Variants in CDH11 observed in about 807,000 individuals in gnomAD.
The protein encoded by CDH11 is cadherin-11.
A neutral mutation model predicts 67.8 loss-of-function variants in CDH11; 11 were observed. The observed-to-expected ratio is 0.16, with a 90% confidence interval of 0.10 to 0.27. The LOEUF is 0.27. Among genes scored for constraint, CDH11 ranks in the 10% least tolerant of loss-of-function variants. CDH11 has a pLI of 1.00. For synonymous variants in CDH11, 419 were observed against 400.0 expected (o/e 1.05, Z -0.57); for missense variants, 847 against 1,031.2 (o/e 0.82, Z 2.45).
intron 1 of CDH11, among the ~76,000 whole-genome samples, chr16:65,108,204 C>T (rs2075097820): frequency 6.6e-6 from 1 of 152,098 alleles, no homozygotes; most frequent in Non-Finnish European, 1.5e-5. Context: ...CTGATCCGTT[C>T]CTCACTTCAA....
intron 11 of CDH11, among the ~76,000 whole-genome samples, chr16:64,961,621 A>C (rs151292124): frequency 6.6e-6 from 1 of 152,284 alleles, no homozygotes; most frequent in East Asian, 1.9e-4. Context: ...TTAATATTAA[A>C]ATTGTTCTCC....
At chr16:65,080,531 C>T (rs577657453) in intron 1 of CDH11, among the ~76,000 whole-genome samples, 26 of 152,250 alleles carry the variant, frequency 1.7e-4, no homozygotes, top group Admixed American at 1.5e-3. Context: ...GGGATAAATG[C>T]ATTGCTTGAA....
intron 1 of CDH11, among the ~76,000 whole-genome samples, chr16:65,101,798 T>C (rs2074996720): frequency 6.6e-6 from 1 of 152,206 alleles, no homozygotes; most frequent in South Asian, 2.1e-4. Flanking sequence ...AAACTAAATA[T>C]AAGATCCATA....
intron 2 of CDH11, among the ~76,000 whole-genome samples, chr16:65,047,128 G>A (rs1479485817): frequency 6.6e-6 from 1 of 151,854 alleles, no homozygotes; most frequent in African/African-American, 2.4e-5. Context: ...AATAAATCAA[G>A]GTGTAAAACA....
intron 1 of CDH11, among the ~76,000 whole-genome samples, chr16:65,112,198 T>G (rs189315689): frequency 6.6e-6 from 1 of 152,118 alleles, no homozygotes; most frequent in African/African-American, 2.4e-5. Flanking sequence ...AAGGAAGCAT[T>G]TCCAACAGTG....
chr16:64,999,395 G>T (rs1260611854), intron 3 of CDH11, among the ~76,000 whole-genome samples: 1 of 152,136 alleles, frequency 6.6e-6, no homozygotes, highest in African/African-American at 2.4e-5. Context: ...ATACAATAAA[G>T]TTCCAGAGTA....
At chr16:64,959,123 C>G (rs1477443395) in intron 11 of CDH11, among the ~76,000 whole-genome samples, 1 of 152,216 alleles carries the variant, frequency 6.6e-6, no homozygotes, top group Non-Finnish European at 1.5e-5. Flanking sequence ...GAGCTACACA[C>G]CACTGTTCTT....
At chr16:65,108,820 C>T (rs1051363029) in intron 1 of CDH11, among the ~76,000 whole-genome samples, 1 of 152,090 alleles carries the variant, frequency 6.6e-6, no homozygotes. Flanking sequence ...TCTGGATTTG[C>T]GTTCATAGTG....
chr16:65,081,451 C>T (rs970690164), intron 1 of CDH11, among the ~76,000 whole-genome samples: 3 of 152,080 alleles, frequency 2.0e-5, no homozygotes, highest in East Asian at 1.9e-4. Flanking sequence ...CGCCTGTAGT[C>T]CCAGCTACGC....
chr16:65,001,033 C>T (rs2072908897), intron 3 of CDH11, among the ~76,000 whole-genome samples: 1 of 151,828 alleles, frequency 6.6e-6, no homozygotes, highest in African/African-American at 2.4e-5. Context: ...AGAGACCTTG[C>T]TTATAAAGCA....
At chr16:64,970,753 G>T (rs2071982763) in intron 11 of CDH11, among the ~76,000 whole-genome samples, 1 of 152,152 alleles carries the variant, frequency 6.6e-6, no homozygotes, top group Non-Finnish European at 1.5e-5. Context: ...ATAGCAATCT[G>T]TATTCCTCCT....
upstream of CDH11, among the ~76,000 whole-genome samples, chr16:65,123,111 C>A (rs1225003538): frequency 1.3e-5 from 2 of 152,142 alleles, no homozygotes; most frequent in Non-Finnish European, 2.9e-5. Context: ...GCTGGCAGGG[C>A]CGGGGCTTAG....
chr16:64,950,408 C>A (rs1049613755), intron 12 of CDH11, among the ~76,000 whole-genome samples: 1 of 152,066 alleles, frequency 6.6e-6, no homozygotes, highest in Non-Finnish European at 1.5e-5. Context: ...GCTAATACAC[C>A]ATGTTTCTGC....
intron 2 of CDH11, among the ~76,000 whole-genome samples, chr16:65,048,272 G>A (rs937606578): frequency 6.6e-6 from 1 of 152,146 alleles, no homozygotes; most frequent in Non-Finnish European, 1.5e-5. Flanking sequence ...TGAAGAAAGA[G>A]GAATGTGTAT....
At position 64,986,474 on chromosome 16, in the gene CDH11, G is replaced by A. The variant is rs758842540; in HGVS notation, c.999+1683C>T. On this transcript the variant is annotated intron_variant, in intron 7 of 12. Transcript: ENST00000268603. Reference sequence around the variant, plus strand: ...TGCCCTGAATACACTAAAAACAGGTGACAACCTTAGCATAACCAACTACCC... The same window carrying A: ...TGCCCTGAATACACTAAAAACAGGTAACAACCTTAGCATAACCAACTACCC... The A allele has an allele frequency of 5.9e-5, 9 of 152,134 alleles. No individual in the cohort carries two copies. The East Asian group carries it at 1.7e-3, about 30-fold the overall frequency. 9.4% of individuals were successfully genotyped at this position (152,134 alleles called of 1,614,324 possible). A position where few individuals can be genotyped will look rare whatever the true frequency, so the allele number is the denominator to read the frequency against.
chr16:65,014,862 T>A (rs979534323), intron 2 of CDH11, among the ~76,000 whole-genome samples: 1 of 143,836 alleles, frequency 7.0e-6, no homozygotes. Flanking sequence ...TTTAAAACAA[T>A]TTTTTTTTTT....
chr16:64,963,846 T>C (rs762917457), intron 11 of CDH11, among the ~76,000 whole-genome samples: 18 of 152,114 alleles, frequency 1.2e-4, no homozygotes, highest in Admixed American at 3.9e-4. Flanking sequence ...CCTAGAATTC[T>C]CTAACTACCA....
chr16:65,085,136 C>T (rs2074674189), intron 1 of CDH11, among the ~76,000 whole-genome samples: 1 of 152,148 alleles, frequency 6.6e-6, no homozygotes, highest in Admixed American at 6.5e-5. Flanking sequence ...GTCTCGAACT[C>T]CTGACCTCAG....
intron 1 of CDH11, among the ~76,000 whole-genome samples, chr16:65,055,328 T>C (rs1275561030): frequency 6.6e-6 from 1 of 152,150 alleles, no homozygotes; most frequent in Non-Finnish European, 1.5e-5. Context: ...CTGAGAACCA[T>C]GGGAGAGGGA....
Sources: allele counts gnomAD v4.1 joint callset (sites outside exome capture counted in the v4.1 genomes callset), GRCh38; gene constraint gnomAD v4.1.1; transcripts MANE v1.5; gene names NCBI Gene and HGNC (gene_info 2026-07-23, HGNC 2026-07-21).